Variants in PXDNL observed in about 807,000 individuals in gnomAD.
PXDNL encodes peroxidasin like.
PXDNL carries 145 observed loss-of-function variants against 150.8 expected under a neutral mutation model. The ratio of observed to expected loss-of-function variants is 0.96; its 90% CI spans 0.84 to 1.10. PXDNL has a LOEUF of 1.10. Ranked by LOEUF, PXDNL falls within the 50% of genes least tolerant of loss-of-function variation. The probability of loss-of-function intolerance (pLI) is 0.00; values close to 1 mark genes in which losing one functional copy is unlikely to be tolerated. For missense variants in PXDNL, 2,087 were observed against 1,873.9 expected, an observed-to-expected ratio of 1.11 and a Z score of -2.10; for synonymous variants, 757 against 725.7, an observed-to-expected ratio of 1.04 and a Z score of -0.69.
At position 51,409,135 on chromosome 8, in the gene PXDNL, C is replaced by A. The variant is rs755992392; in HGVS notation, c.2489G>T (p.Arg830Leu). 1.9e-6 allele frequency: 3 copies of A among 1,604,618 alleles called. No individual in the cohort carries two copies. The highest frequency in any genetic ancestry group is 2.5e-6 in the Non-Finnish European group (3 of 1,178,622). ...GTTGGTGCAGACGGAGCTGCACGGCCGCCCATCCGAGAAGCGGGCTGTGCT... is the reference window on the plus strand; with the variant it reads ...GTTGGTGCAGACGGAGCTGCACGGCAGCCCATCCGAGAAGCGGGCTGTGCT... ...ALSTARFSDG[R>L]PCSSVCTNDP... Residue 830 changes from arginine to leucine, a missense_variant, in exon 17 of 23, where the codon CGG becomes CTG. Arg to Leu is a moderately radical substitution (Grantham distance 102, BLOSUM62 -2). Transcript: ENST00000356297.
At chr8:51,371,113 G>A (rs1807101049) in intron 19 of PXDNL, among the ~76,000 whole-genome samples, 1 of 152,206 alleles carries the variant, frequency 6.6e-6, no homozygotes, top group Non-Finnish European at 1.5e-5. Flanking sequence ...ACAGACACCT[G>A]CTCACCTGTG....
chr8:51,402,208 T>C lies in PXDNL; in HGVS notation c.3557+5859A>G, dbSNP rs1356735379. On this transcript the variant is annotated intron_variant, in intron 17 of 22. Transcript: ENST00000356297. Reference sequence around the variant, plus strand: ...CATATACTGAATACAAGTTACTTAATTGGTGAAATATGAGCTATTCTTTTA... The same window carrying C: ...CATATACTGAATACAAGTTACTTAACTGGTGAAATATGAGCTATTCTTTTA... Among the ~76,000 whole-genome samples the C allele has an allele frequency of 2.6e-5, 4 of 152,290 alleles. No individual in the cohort carries two copies. The East Asian group carries it at 7.7e-4, about 29-fold the overall frequency.
At chr8:51,608,624 T>G (rs1230207844) in intron 2 of PXDNL, among the ~76,000 whole-genome samples, 3 of 147,760 alleles carry the variant, frequency 2.0e-5, no homozygotes, top group Non-Finnish European at 4.4e-5. Context: ...GATCACGAGG[T>G]CAGGAGATCC....
At chr8:51,722,913 T>C (rs1816756973) in intron 1 of PXDNL, among the ~76,000 whole-genome samples, 1 of 152,066 alleles carries the variant, frequency 6.6e-6, no homozygotes, top group African/African-American at 2.4e-5. Context: ...GGTGGGGCCT[T>C]TGCCAGGGAA....
chr8:51,614,245 T>A (rs1814084876), intron 2 of PXDNL, among the ~76,000 whole-genome samples: 1 of 152,212 alleles, frequency 6.6e-6, no homozygotes, highest in Non-Finnish European at 1.5e-5. Context: ...GTTGTTAAAT[T>A]AAGATTAGCC....
chr8:51,472,528 A>G (rs1585500582), intron 7 of PXDNL, among the ~76,000 whole-genome samples: 1 of 152,198 alleles, frequency 6.6e-6, no homozygotes, highest in Non-Finnish European at 1.5e-5. Flanking sequence ...ATCTCCAATG[A>G]AGTAAATTAA....
At position 51,408,734 on chromosome 8, in the gene PXDNL, G is replaced by A; in HGVS notation, c.2890C>T (p.His964Tyr). 6.3e-7 allele frequency: 1 copy of A among 1,590,146 alleles called. No individual in the cohort carries two copies. Among genetic ancestry groups the A allele is most frequent in the Non-Finnish European group, 8.6e-7 (1 of 1,168,222 alleles). The change falls in exon 17 of 23, where the codon CAT becomes TAT. Residue 964 changes from histidine (H) to tyrosine (Y), a missense_variant. Transcript: ENST00000356297. ...GTGTGCATGGCGGCCAGAGCCAGAT[G>A]CTCGTTGGCCCGGTGGTCCCCGGCC... Reference protein sequence around the residue: ...FLAGDHRANEHLALAAMHTLW... With the variant: ...FLAGDHRANEYLALAAMHTLW...
chr8:51,614,930 C>G (rs2130722703), intron 2 of PXDNL, among the ~76,000 whole-genome samples: 1 of 152,226 alleles, frequency 6.6e-6, no homozygotes, highest in South Asian at 2.1e-4. Flanking sequence ...AAAAAACTAT[C>G]TCATTTTCAG....
intron 19 of PXDNL, among the ~76,000 whole-genome samples, chr8:51,351,149 CA>C (rs1806338412): frequency 6.6e-6 from 1 of 152,318 alleles, no homozygotes; most frequent in Admixed American, 6.5e-5. Flanking sequence ...CAGGTTACTA[CA>C]AATGCAATGG....
At chr8:51,456,652 G>T (rs1283601905) in intron 9 of PXDNL, among the ~76,000 whole-genome samples, 2 of 151,994 alleles carry the variant, frequency 1.3e-5, no homozygotes, top group Non-Finnish European at 2.9e-5. Context: ...ATTATCTTCG[G>T]TCTCAGGGTT....
intron 14 of PXDNL, among the ~76,000 whole-genome samples, chr8:51,416,261 C>T (rs1002375872): frequency 1.3e-5 from 2 of 152,326 alleles, no homozygotes; most frequent in East Asian, 1.9e-4. Flanking sequence ...CCGTACAGGA[C>T]ATAGTGCTAT....
At chr8:51,496,532 C>T (rs560020487) in intron 5 of PXDNL, among the ~76,000 whole-genome samples, 12 of 152,230 alleles carry the variant, frequency 7.9e-5, no homozygotes, top group Non-Finnish European at 1.5e-4. Context: ...TAGAAAACCC[C>T]GTCGTCTCAG....
At chr8:51,665,657 A>G (rs570320037) in intron 1 of PXDNL, among the ~76,000 whole-genome samples, 1 of 152,360 alleles carries the variant, frequency 6.6e-6, no homozygotes, top group East Asian at 1.9e-4. Context: ...ATGGCTCATA[A>G]TTGGCGAAAT....
At chr8:51,785,701 T>C (rs1258550263) in intron 1 of PXDNL, among the ~76,000 whole-genome samples, 1 of 152,230 alleles carries the variant, frequency 6.6e-6, no homozygotes, top group African/African-American at 2.4e-5. Context: ...GTGTTCTGAC[T>C]GCTCCAACCA....
At chr8:51,374,822 A>T in intron 17 of PXDNL, 91 bp from the exon 18 acceptor site, 5 of 1,425,402 alleles carry the variant, frequency 3.5e-6, no homozygotes, top group Non-Finnish European at 4.8e-6. Flanking sequence ...GCATTATTTT[A>T]TCCACACAAA....
intron 8 of PXDNL, among the ~76,000 whole-genome samples, chr8:51,468,482 G>A (rs1223692121): frequency 1.4e-5 from 2 of 146,200 alleles, no homozygotes; most frequent in African/African-American, 5.2e-5. Context: ...CCACCTCTCA[G>A]TGTCATAATG....
At chr8:51,608,281 GTA>G (rs1198795118) in intron 2 of PXDNL, among the ~76,000 whole-genome samples, 3 of 144,896 alleles carry the variant, frequency 2.1e-5, no homozygotes, top group Non-Finnish European at 3.0e-5. Flanking sequence ...CCCAGCTACT[GTA>G]GAGGCTGAGG....
At position 51,539,982 on chromosome 8, in the gene PXDNL, GAGTGCAGTGGCTCA is replaced by G. The variant is rs1812176395; in HGVS notation, c.380+16844_380+16857del. On this transcript the variant is annotated intron_variant, in intron 4 of 22. Coordinates refer to ENST00000356297, the MANE Select transcript of PXDNL (RefSeq NM_144651.5). ...GAGTCTCACTCTGTCAATCAGGCTG[GAGTGCAGTGGCTCA>G]ATCTCAACCTCCGCCTCTCAGGTCT... Among the ~76,000 whole-genome samples the G allele has an allele frequency of 9.9e-5, 15 of 151,400 alleles. No individual in the cohort carries two copies. The South Asian group carries it at 3.1e-3, about 32-fold the overall frequency.
At chr8:51,793,250 C>A (rs4873605) in intron 1 of PXDNL, among the ~76,000 whole-genome samples, 145,916 of 152,264 alleles carry the variant, frequency 0.96, 70,060 homozygotes, top group East Asian at 1. Flanking sequence ...TGACTGTTAA[C>A]AACAAACAAG....
Sources: allele counts gnomAD v4.1 joint callset (sites outside exome capture counted in the v4.1 genomes callset), GRCh38; gene constraint gnomAD v4.1.1; transcripts MANE v1.5; gene names NCBI Gene and HGNC (gene_info 2026-07-23, HGNC 2026-07-21).